Variants in RAPGEF1 observed in about 807,000 individuals in gnomAD.
The protein encoded by RAPGEF1 is Rap guanine nucleotide exchange factor 1.
RAPGEF1 carries 33 observed loss-of-function variants against 143.3 expected under a neutral mutation model. The observed-to-expected ratio is 0.23, with a 90% CI of 0.17 to 0.31. The LOEUF (loss-of-function observed/expected upper bound fraction) is 0.31. RAPGEF1 is among the 10% of genes least tolerant of loss of function. RAPGEF1 has a pLI of 1.00. For missense variants in RAPGEF1, 1,199 were observed against 1,645.4 expected (o/e 0.73, Z 4.69); for synonymous variants, 629 against 676.5 (o/e 0.93, Z 1.09).
intron 4 of RAPGEF1, 59 bp from the exon 5 acceptor site, chr9:131,638,850 C>T (rs1318092990): frequency 1.3e-6 from 2 of 1,524,866 alleles, no homozygotes; most frequent in Admixed American, 3.8e-5. Flanking sequence ...TCACTTAGCA[C>T]AGAGCCAGCT....
At chr9:131,726,263 G>A (rs565309432) in intron 1 of RAPGEF1, among the ~76,000 whole-genome samples, 14 of 152,192 alleles carry the variant, frequency 9.2e-5, no homozygotes, top group Non-Finnish European at 8.8e-5. Flanking sequence ...GTAAAAGGCC[G>A]ATTACACACT....
intron 1 of RAPGEF1, among the ~76,000 whole-genome samples, chr9:131,718,228 A>G (rs1439490693): frequency 6.6e-6 from 1 of 152,240 alleles, no homozygotes; most frequent in Admixed American, 6.5e-5. Flanking sequence ...ACCTGGAAGA[A>G]GAGCACAAAA....
chr9:131,586,631 T>C (rs1284904893), intron 22 of RAPGEF1, among the ~76,000 whole-genome samples: 2 of 60,248 alleles, frequency 3.3e-5, no homozygotes, highest in East Asian at 4.7e-4. Context: ...CACACACACC[T>C]GCAGAGACTC....
intron 1 of RAPGEF1, among the ~76,000 whole-genome samples, chr9:131,665,950 A>C (rs772224504): frequency 6.6e-6 from 1 of 152,242 alleles, no homozygotes; most frequent in African/African-American, 2.4e-5. Context: ...TGAGACCCCA[A>C]TGAGAGAATC....
At chr9:131,654,792 T>A (rs904036150) in intron 1 of RAPGEF1, among the ~76,000 whole-genome samples, 22 of 152,130 alleles carry the variant, frequency 1.4e-4, no homozygotes, top group African/African-American at 5.1e-4. Flanking sequence ...TAGAAGATAA[T>A]CAGTAAACAT....
chr9:131,692,181 T>C (rs1589024270), intron 1 of RAPGEF1, among the ~76,000 whole-genome samples: 1 of 152,242 alleles, frequency 6.6e-6, no homozygotes, highest in East Asian at 1.9e-4. Context: ...CTAGCATTAC[T>C]GCAGTTGTGT....
chr9:131,586,257 AACACACAC>A (rs55722149), intron 22 of RAPGEF1, among the ~76,000 whole-genome samples: 58 of 91,400 alleles, frequency 6.3e-4, no homozygotes, highest in African/African-American at 2.4e-3. Flanking sequence ...CTCTGTCTCA[AACACACAC>A]ACACACACAC....
At chr9:131,731,616 T>C (rs1837080730) in intron 1 of RAPGEF1, among the ~76,000 whole-genome samples, 1 of 152,148 alleles carries the variant, frequency 6.6e-6, no homozygotes, top group African/African-American at 2.4e-5. Flanking sequence ...GGGAATCGCA[T>C]CTGTCAGGTC....
chr9:131,731,423 A>C (rs565517908), intron 1 of RAPGEF1, among the ~76,000 whole-genome samples: 1 of 152,364 alleles, frequency 6.6e-6, no homozygotes, highest in South Asian at 2.1e-4. Flanking sequence ...AAATAAATAC[A>C]ACCACTGTTT....
intron 1 of RAPGEF1, among the ~76,000 whole-genome samples, chr9:131,738,780 C>A (rs1396185310): frequency 6.6e-6 from 1 of 152,170 alleles, no homozygotes; most frequent in African/African-American, 2.4e-5. Context: ...GTCATATTGC[C>A]TTGTGGGTCC....
chr9:131,707,655 G>A (rs1430317002), intron 1 of RAPGEF1, among the ~76,000 whole-genome samples: 3 of 152,142 alleles, frequency 2.0e-5, no homozygotes, highest in Non-Finnish European at 4.4e-5. Context: ...TGGCCAGGCT[G>A]GTCTTGAACT....
chr9:131,700,429 T>C (rs1330435409), intron 1 of RAPGEF1, among the ~76,000 whole-genome samples: 1 of 152,196 alleles, frequency 6.6e-6, no homozygotes, highest in African/African-American at 2.4e-5. Context: ...ATATGATACC[T>C]GTCATCCAAA....
chr9:131,646,821 C>CCTCT (rs146188590), intron 3 of RAPGEF1, among the ~76,000 whole-genome samples: 5,958 of 152,228 alleles, frequency 0.039, 240 homozygotes, highest in East Asian at 0.089. Flanking sequence ...CAACATTATT[C>CCTCT]CTATTAGTCC....
At chr9:131,627,213 CAAAAAAAAAAAAAAA>C (rs10690802) in intron 9 of RAPGEF1, among the ~76,000 whole-genome samples, 47,316 of 100,178 alleles carry the variant, frequency 0.47, 8,893 homozygotes, top group Middle Eastern at 0.62. Flanking sequence ...GGCTCTGTCT[CAAAAAAAAAAAAAAA>C]AAAAAAAAAA....
chr9:131,739,935 G>C lies in RAPGEF1; in HGVS notation c.-105C>G, dbSNP rs1269347731. The C allele has an allele frequency of 6.9e-5, 45 of 649,782 alleles. No homozygotes were observed. Among genetic ancestry groups the C allele is most frequent in the Non-Finnish European group, 8.4e-5 (44 of 526,828 alleles). The allele number at this position is 649,782 out of a possible 1,614,324, so 40.3% of individuals were successfully genotyped here. Reference sequence around the variant, plus strand: ...GACCCGCGCCGGCATGGCGGGCTCCGCGCGGCCGCGGCCCTGCGCTCGGCG... The same window carrying C: ...GACCCGCGCCGGCATGGCGGGCTCCCCGCGGCCGCGGCCCTGCGCTCGGCG... On this transcript the variant is annotated 5_prime_UTR_variant, in exon 1 of 27. Coordinates refer to ENST00000683357, the MANE Select transcript of RAPGEF1 (RefSeq NM_001377935.1).
At chr9:131,602,844 C>T (rs1333729713) in intron 14 of RAPGEF1, among the ~76,000 whole-genome samples, 2 of 152,218 alleles carry the variant, frequency 1.3e-5, no homozygotes, top group African/African-American at 4.8e-5. Context: ...CGCCAACATC[C>T]CTGGTCTGCT....
At chr9:131,600,718 A>G (rs899265318) in intron 15 of RAPGEF1, among the ~76,000 whole-genome samples, 1 of 152,208 alleles carries the variant, frequency 6.6e-6, no homozygotes, top group Non-Finnish European at 1.5e-5. Context: ...GAACACATGG[A>G]ACATTTCATA....
chr9:131,726,970 C>G (rs1383669492), intron 1 of RAPGEF1, among the ~76,000 whole-genome samples: 4 of 152,152 alleles, frequency 2.6e-5, no homozygotes, highest in Non-Finnish European at 5.9e-5. Context: ...TACCACTGCA[C>G]TCTAGCCTGG....
chr9:131,668,369 A>G (rs1359993), intron 1 of RAPGEF1, among the ~76,000 whole-genome samples: 5,440 of 152,300 alleles, frequency 0.036, 209 homozygotes, highest in East Asian at 0.089. Context: ...TTTTTAAAAA[A>G]CTTACAATTT....
Sources: gnomAD v4.1 joint callset for allele counts (sites outside exome capture counted in the v4.1 genomes callset) on GRCh38, gnomAD v4.1.1 for gene constraint, MANE v1.5 for transcripts, NCBI Gene and HGNC (gene_info 2026-07-23, HGNC 2026-07-21) for gene names.